The following USP6NL variants were observed in gnomAD, a reference collection of about 807,000 sequenced individuals.
USP6NL encodes the protein USP6 N-terminal-like protein.
A neutral mutation model predicts 61.9 loss-of-function variants in USP6NL; 26 were observed. The ratio of observed to expected loss-of-function variants is 0.42; its 90% CI spans 0.31 to 0.58. The LOEUF is 0.58. Among genes scored for constraint, USP6NL ranks in the 20% least tolerant of loss-of-function variants. The pLI is 0.16. For missense variants in USP6NL, 1,114 were observed against 1,034.3 expected (o/e 1.08, Z -1.06); for synonymous variants, 432 against 390.1 (o/e 1.11, Z -1.27).
chr10:11,490,809 T>TGGGC lies in USP6NL; in HGVS notation c.543+19_543+22dup, dbSNP rs1833683822. 1.3e-6 allele frequency: 2 copies of TGGGC among 1,551,172 alleles called. No individual in the cohort carries two copies. Among genetic ancestry groups the TGGGC allele is most frequent in the South Asian group, 2.4e-5 (2 of 83,036 alleles). On this transcript the variant is annotated intron_variant, in intron 9 of 14. Coordinates refer to ENST00000609104, the MANE Select transcript of USP6NL (RefSeq NM_014688.5). This position sits in a 1 kb window ranked among gnomAD's most constrained non-coding sequence, Gnocchi z 4.5. ...ACCTCAGAATACAACTCAAAGACCT[T>TGGGC]GGGCAGGCAGGCCCCAACTTACCGT...
rs1387877624 is a variant in USP6NL at position 11,561,912 on chromosome 10, A to G, written c.5-34345T>C. On this transcript the variant is annotated intron_variant, in intron 2 of 14. Transcript: ENST00000609104. The surrounding 1 kb of genome is among the most constrained non-coding windows in gnomAD (Gnocchi z 4.1). The stretch of plus-strand genomic sequence containing the variant: ...ATATTTCATTATTGTTTATATATGC[A>G]TTCTCAAACAATGTAATTTCCTATC... 6.6e-6 allele frequency among the ~76,000 whole-genome samples: 1 copy of G among 152,202 alleles called. No individual in the cohort carries two copies. Among genetic ancestry groups the G allele is most frequent in the Non-Finnish European group, 1.5e-5 (1 of 68,030 alleles).
intron 6 of USP6NL, among the ~76,000 whole-genome samples, chr10:11,509,167 T>C (rs938701061): frequency 6.6e-6 from 1 of 152,234 alleles, no homozygotes; most frequent in Non-Finnish European, 1.5e-5. Context: ...GAGGGAATGC[T>C]TTCAGAGGCC....
At position 11,525,632 on chromosome 10, in the gene USP6NL, C is replaced by G. The variant is rs1835383942; in HGVS notation, c.73-164G>C. Among the ~76,000 whole-genome samples, 1 of 152,032 alleles carries G rather than the reference C, an allele frequency of 6.6e-6. No homozygotes were observed. On this transcript the variant is annotated intron_variant, in intron 3 of 14. Transcript: ENST00000609104. The surrounding 1 kb of genome is among the most constrained non-coding windows in gnomAD (Gnocchi z 5.0). ...TAACATTTTTTTTTCCCCTTTAAAC[C>G]CAACTATTTTTGGCAAGATAAACAC...
intron 2 of USP6NL, among the ~76,000 whole-genome samples, chr10:11,572,240 A>T (rs897602541): frequency 7.9e-5 from 12 of 152,096 alleles, no homozygotes; most frequent in African/African-American, 2.7e-4. Context: ...ACTAATTTAT[A>T]TTCTCTGGAA....
rs895546948 is a variant in USP6NL at position 11,528,660 on chromosome 10, G to A, written c.5-1093C>T. On this transcript the variant is annotated intron_variant, in intron 2 of 14. Coordinates refer to ENST00000609104, the MANE Select transcript of USP6NL (RefSeq NM_014688.5). This position sits in a 1 kb window ranked among gnomAD's most constrained non-coding sequence, Gnocchi z 4.6. Reference sequence around the variant, plus strand: ...ATTTTAATTACTATTTTATAAAAATGATGACTAAAGACATGAAAAAGGACT... The same window carrying A: ...ATTTTAATTACTATTTTATAAAAATAATGACTAAAGACATGAAAAAGGACT... 6.6e-6 allele frequency among the ~76,000 whole-genome samples: 1 copy of A among 152,174 alleles called. No individual in the cohort carries two copies.
rs1838102859 is a variant in USP6NL, at chr10:11,589,824, A to C, written c.4+7807T>G. ...TAATCTTTTTATATTTTATTGTTTA[A>C]AGCTTAACACCTGAATGCTACCAAT... On this transcript the variant is annotated intron_variant, in intron 2 of 14. Transcript: ENST00000609104. This position sits in a 1 kb window ranked among gnomAD's most constrained non-coding sequence, Gnocchi z 4.7. Among the ~76,000 whole-genome samples the C allele has an allele frequency of 6.6e-6, 1 of 152,212 alleles. No individual in the cohort carries two copies. The highest frequency in any genetic ancestry group is 6.5e-5 in the Admixed American group (1 of 15,286).
rs749286362 is a variant in USP6NL at position 11,485,171 on chromosome 10, G to A, written c.823C>T (p.Arg275Cys). 6 of 1,539,046 alleles carry A rather than the reference G, an allele frequency of 3.9e-6. No homozygotes were observed. Among genetic ancestry groups the A allele is most frequent in the South Asian group, 1.3e-5 (1 of 79,682 alleles). ...GAGTTTTGTAAATAAATACTTACAC[G>A]ATCAAGGAAACACTGAAAAAACCAT... is the stretch of plus-strand genomic sequence containing the variant. ...MKWFFQCFLD[R>C]TPFTLNLRIW... The change falls in exon 12 of 15, where the codon CGT (arginine) becomes TGT (cysteine). Residue 275 changes from arginine (R) to cysteine (C), a missense_variant and splice_region_variant. Physicochemically the swap from Arg to Cys is radical, Grantham distance 180 (BLOSUM62 -3). Coordinates refer to ENST00000609104, the MANE Select transcript of USP6NL (RefSeq NM_014688.5). The surrounding 1 kb of genome is among the most constrained non-coding windows in gnomAD (Gnocchi z 4.8).
At chr10:11,493,304 C>T (rs1833779998) in intron 7 of USP6NL, 76 bp from the exon 8 acceptor site, 2 of 1,299,648 alleles carry the variant, frequency 1.5e-6, no homozygotes, top group Admixed American at 2.5e-5. Context: ...AATAATAATT[C>T]TCATTAAAAA....
At chr10:11,533,150 A>G (rs187068902) in intron 2 of USP6NL, among the ~76,000 whole-genome samples, 1 of 152,344 alleles carries the variant, frequency 6.6e-6, no homozygotes, top group African/African-American at 2.4e-5. Flanking sequence ...AAAAGATCTC[A>G]GAAGTTGAGA....
chr10:11,520,912 C>A lies in USP6NL; in HGVS notation c.156-2338G>T, dbSNP rs1566154428. 6.6e-6 allele frequency among the ~76,000 whole-genome samples: 1 copy of A among 152,142 alleles called. No individual in the cohort carries two copies. On this transcript the variant is annotated intron_variant, in intron 4 of 14. Coordinates refer to ENST00000609104, the MANE Select transcript of USP6NL (RefSeq NM_014688.5). This position sits in a 1 kb window ranked among gnomAD's most constrained non-coding sequence, Gnocchi z 5.2. ...TTAGAGAACAAGGGCTTAAGAGCAC[C>A]TAAAGGCTGCTTTAAGAAAACACCA...
intron 8 of USP6NL, among the ~76,000 whole-genome samples, chr10:11,492,097 T>G (rs1367573719): frequency 6.6e-6 from 1 of 152,210 alleles, no homozygotes. Context: ...AAAGCAGAAG[T>G]GTGATCATCT....
At position 11,561,296 on chromosome 10, in the gene USP6NL, C is replaced by A. The variant is rs1042417476; in HGVS notation, c.5-33729G>T. Among the ~76,000 whole-genome samples, 1 of 152,188 alleles carries A rather than the reference C, an allele frequency of 6.6e-6. No individual in the cohort carries two copies. The highest frequency in any genetic ancestry group is 1.5e-5 in the Non-Finnish European group (1 of 68,020). On this transcript the variant is annotated intron_variant, in intron 2 of 14. Coordinates refer to ENST00000609104, the MANE Select transcript of USP6NL (RefSeq NM_014688.5). The surrounding 1 kb of genome is among the most constrained non-coding windows in gnomAD (Gnocchi z 4.1). ...ATTAAGAAAAGTGAACTCTCTTCCTCTACACCCCTTCCCAAATGAACCCTC... is the reference window on the plus strand; with the variant it reads ...ATTAAGAAAAGTGAACTCTCTTCCTATACACCCCTTCCCAAATGAACCCTC...
rs11257125 is a variant in USP6NL, at chr10:11,487,829, A to G, written c.664+1273T>C. Among the ~76,000 whole-genome samples the G allele has an allele frequency of 0.081, 12,343 of 152,216 alleles. 602 individuals are homozygous for G. Among genetic ancestry groups the G allele is most frequent in the South Asian group, 0.19 (936 of 4,812 alleles). ...CCCCTCACTCTTCCACACACACACAATATCCTCACATGGTCAGAGTGTGAG... is the reference window on the plus strand; with the variant it reads ...CCCCTCACTCTTCCACACACACACAGTATCCTCACATGGTCAGAGTGTGAG... On this transcript the variant is annotated intron_variant, in intron 10 of 14. Coordinates refer to ENST00000609104, the MANE Select transcript of USP6NL (RefSeq NM_014688.5). This position sits in a 1 kb window ranked among gnomAD's most constrained non-coding sequence, Gnocchi z 4.2.
chr10:11,516,624 T>G (rs1332663720), intron 5 of USP6NL, among the ~76,000 whole-genome samples: 1 of 152,088 alleles, frequency 6.6e-6, no homozygotes, highest in African/African-American at 2.4e-5. Context: ...GAGTGCAGTT[T>G]CCGTAAAAAA....
rs1427171916 is a variant in USP6NL, at chr10:11,596,498, C to A, written c.4+1133G>T. The stretch of plus-strand genomic sequence containing the variant: ...AATTAGCTGGGCCTGGTGGCGGGCG[C>A]CTGTAGTCCCAGCTACTCGGGAGGC... On this transcript the variant is annotated intron_variant, in intron 2 of 14. Coordinates refer to ENST00000609104, the MANE Select transcript of USP6NL (RefSeq NM_014688.5). This position sits in a 1 kb window ranked among gnomAD's most constrained non-coding sequence, Gnocchi z 4.1. 6.6e-6 allele frequency among the ~76,000 whole-genome samples: 1 copy of A among 152,066 alleles called. No homozygotes were observed. Among genetic ancestry groups the A allele is most frequent in the Non-Finnish European group, 1.5e-5 (1 of 68,032 alleles).
Position 11,518,716 on chromosome 10 carries a change from T to C in USP6NL, c.156-142A>G. ...ATAGGCTTCCATTCATTGAATTCAA[T>C]ATGAAATGATAGCTACTCTAGAACC... On this transcript the variant is annotated intron_variant, in intron 4 of 14. Coordinates refer to ENST00000609104, the MANE Select transcript of USP6NL (RefSeq NM_014688.5). This position sits in a 1 kb window ranked among gnomAD's most constrained non-coding sequence, Gnocchi z 5.3. 1 of 638,332 alleles carries C rather than the reference T, an allele frequency of 1.6e-6. No homozygotes were observed. The highest frequency in any genetic ancestry group is 2.6e-6 in the Non-Finnish European group (1 of 381,524). The allele number at this position is 638,332 out of a possible 1,614,324, so 39.5% of individuals were successfully genotyped here.
At chr10:11,527,054 T>C (rs1234485704) in intron 3 of USP6NL, among the ~76,000 whole-genome samples, 1 of 152,108 alleles carries the variant, frequency 6.6e-6, no homozygotes. Flanking sequence ...GATACAAAAG[T>C]AAATCAAACA....
At chr10:11,473,469 T>C (rs547920116) in intron 14 of USP6NL, among the ~76,000 whole-genome samples, 3 of 152,302 alleles carry the variant, frequency 2.0e-5, no homozygotes, top group East Asian at 3.9e-4. Flanking sequence ...CTTCAGGCGA[T>C]GCTTAAACCA....
intron 2 of USP6NL, among the ~76,000 whole-genome samples, chr10:11,572,049 G>T (rs914025608): frequency 3.3e-5 from 5 of 151,358 alleles, no homozygotes; most frequent in Non-Finnish European, 5.9e-5. Context: ...TAATATATGA[G>T]ATATATCTAT....
Sources: gnomAD v4.1 joint callset for allele counts (sites outside exome capture counted in the v4.1 genomes callset) on GRCh38, gnomAD v4.1.1 for gene constraint, Gnocchi (gnomAD v3.1) non-coding constraint, MANE v1.5 for transcripts, NCBI Gene and HGNC (gene_info 2026-07-23, HGNC 2026-07-21) for gene names.